The following RTN4 variants were observed in gnomAD, a reference collection of about 807,000 sequenced individuals.
RTN4 encodes reticulon 4.
In RTN4, 32 loss-of-function variants were observed where a neutral mutation model predicts 90.4. That is an observed-to-expected ratio of 0.35 (90% CI 0.27 to 0.48). The LOEUF is 0.48. Among genes scored for constraint, RTN4 ranks in the 20% least tolerant of loss-of-function variants. The pLI is 0.99. For synonymous variants in RTN4, 629 were observed against 552.5 expected, an observed-to-expected ratio of 1.14 and a Z score of -1.94; for missense variants, 1,706 against 1,430.2, an observed-to-expected ratio of 1.19 and a Z score of -3.11.
intron 2 of RTN4, among the ~76,000 whole-genome samples, chr2:55,058,357 G>A (rs904758410): frequency 6.6e-6 from 1 of 152,180 alleles, no homozygotes; most frequent in Non-Finnish European, 1.5e-5. Context: ...GAGGGAATCA[G>A]GGGTTTCTCT....
chr2:55,030,800 A>C (rs1682250684), intron 1 of RTN4, among the ~76,000 whole-genome samples: 1 of 152,212 alleles, frequency 6.6e-6, no homozygotes, highest in African/African-American at 2.4e-5. Context: ...TACAAGTGCA[A>C]CTGGTGCAAT....
intron 1 of RTN4, among the ~76,000 whole-genome samples, chr2:55,092,110 A>G (rs533274198): frequency 6.6e-6 from 1 of 151,740 alleles, no homozygotes; most frequent in East Asian, 1.9e-4. Context: ...AGATTGCTTG[A>G]GTCCAGGAGT....
intron 4 of RTN4, among the ~76,000 whole-genome samples, chr2:54,986,463 CTATT>C (rs1382291971): frequency 6.6e-6 from 1 of 152,214 alleles, no homozygotes; most frequent in Non-Finnish European, 1.5e-5. Context: ...TTCCAACAAA[CTATT>C]TACAAAAGCA....
At chr2:55,037,910 A>G (rs899849744) in intron 1 of RTN4, among the ~76,000 whole-genome samples, 1 of 152,210 alleles carries the variant, frequency 6.6e-6, no homozygotes, top group Non-Finnish European at 1.5e-5. Context: ...TAAAACTACA[A>G]TAATCAAGTA....
intron 1 of RTN4, among the ~76,000 whole-genome samples, chr2:55,094,133 G>C (rs1199579461): frequency 4.6e-5 from 7 of 152,218 alleles, no homozygotes; most frequent in Non-Finnish European, 8.8e-5. Flanking sequence ...GAGCCTTTGG[G>C]GGGTAATTAG....
At chr2:54,981,506 G>C (rs1236100257) in intron 5 of RTN4, among the ~76,000 whole-genome samples, 1 of 152,146 alleles carries the variant, frequency 6.6e-6, no homozygotes, top group African/African-American at 2.4e-5. Context: ...AAGTCTGCCT[G>C]TTTTCTGCAG....
chr2:55,091,237 T>C (rs1304501774), intron 1 of RTN4, among the ~76,000 whole-genome samples: 9 of 152,204 alleles, frequency 5.9e-5, no homozygotes, highest in Admixed American at 3.3e-4. Context: ...TTCCTCTCTG[T>C]GGCCTAGGGG....
In RTN4 at chr2:54,977,270, C is replaced by T. The variant is rs192076584; in HGVS notation, c.3361-2506G>A. Among the ~76,000 whole-genome samples the T allele has an allele frequency of 2.0e-4, 30 of 152,276 alleles. No individual in the cohort carries two copies. The South Asian group carries it at 4.3e-3, about 22-fold the overall frequency. ...TTGGACTCTCTCTATATCCCCAGCCCACTTCCTTCTAATTTTTCTGAGAGC... is the reference window on the plus strand; with the variant it reads ...TTGGACTCTCTCTATATCCCCAGCCTACTTCCTTCTAATTTTTCTGAGAGC... On this transcript the variant is annotated intron_variant, in intron 5 of 8. Transcript: ENST00000337526.
the RTN4 span, among the ~76,000 whole-genome samples, chr2:55,125,091 A>G: frequency 6.6e-6 from 1 of 152,248 alleles, no homozygotes; most frequent in Admixed American, 6.5e-5. Context: ...GCACAAAACA[A>G]AAGAAAAAAA....
At chr2:55,088,122 T>C (rs185656681) in intron 1 of RTN4, among the ~76,000 whole-genome samples, 1 of 152,326 alleles carries the variant, frequency 6.6e-6, no homozygotes, top group East Asian at 1.9e-4. Context: ...AGCACAGTTA[T>C]CTCAAGTACT....
chr2:55,054,071 A>G (rs900228594), upstream of RTN4, among the ~76,000 whole-genome samples: 7 of 152,224 alleles, frequency 4.6e-5, no homozygotes, highest in African/African-American at 1.7e-4. Context: ...AATACATGCA[A>G]AAAAATTACA....
In RTN4 at chr2:54,976,907, A is replaced by G. The variant is rs80159482; in HGVS notation, c.3361-2143T>C. Among the ~76,000 whole-genome samples, 1,134 of 152,366 alleles carry G rather than the reference A, an allele frequency of 7.4e-3. 14 individuals are homozygous for G. The highest frequency in any genetic ancestry group is 0.026 in the African/African-American group (1,091 of 41,584). ...GTCAAAGCTTATCTCTCCATTGCACAGTATCGAGACTGGAGGAAGGAGGCC... is the reference window on the plus strand; with the variant it reads ...GTCAAAGCTTATCTCTCCATTGCACGGTATCGAGACTGGAGGAAGGAGGCC... On this transcript the variant is annotated intron_variant, in intron 5 of 8. Coordinates refer to ENST00000337526, the MANE Select transcript of RTN4 (RefSeq NM_020532.5).
chr2:55,105,217 TG>T (rs145329129), intron 1 of RTN4, among the ~76,000 whole-genome samples: 55,366 of 144,658 alleles, frequency 0.38, 11,379 homozygotes, highest in African/African-American at 0.43. Context: ...CCCCTTTTTT[TG>T]CTATTGAAGT....
At chr2:55,010,292 T>C (rs1004855924) in intron 3 of RTN4, 3 of 1,461,752 alleles carry the variant, frequency 2.1e-6, no homozygotes. Context: ...TGACGTCTTC[T>C]GGGTGTGGAA....
chr2:55,016,950 A>G (rs1318290566), intron 3 of RTN4, among the ~76,000 whole-genome samples: 2 of 152,228 alleles, frequency 1.3e-5, no homozygotes, highest in Non-Finnish European at 2.9e-5. Flanking sequence ...TATATTTAGC[A>G]GGTATCTCTT....
At chr2:55,084,104 T>TTGAGTTAATTGTTGATCATGTCTACA (rs2105034374) in intron 1 of RTN4, among the ~76,000 whole-genome samples, 1 of 152,172 alleles carries the variant, frequency 6.6e-6, no homozygotes, top group East Asian at 1.9e-4. Flanking sequence ...GGGACTGCAT[T>TTGAGTTAATTGTTGATCATGTCTACA]TGAGTTAATT....
At chr2:54,975,466 C>T (rs1043165725) in intron 5 of RTN4, among the ~76,000 whole-genome samples, 3 of 152,140 alleles carry the variant, frequency 2.0e-5, no homozygotes, top group African/African-American at 7.2e-5. Context: ...TAGTAGAGCA[C>T]CCCCATTATC....
chr2:55,035,952 G>T (rs1319308329), intron 1 of RTN4, among the ~76,000 whole-genome samples: 2 of 152,042 alleles, frequency 1.3e-5, no homozygotes, highest in Non-Finnish European at 2.9e-5. Flanking sequence ...GACACAAGCA[G>T]AAATCAAAAA....
At chr2:55,088,910 C>A in intron 1 of RTN4, among the ~76,000 whole-genome samples, 1 of 152,074 alleles carries the variant, frequency 6.6e-6, no homozygotes, top group East Asian at 1.9e-4. Flanking sequence ...AGACTGACAG[C>A]ACAAGAATAG....
Sources: gnomAD v4.1 joint callset for allele counts (sites outside exome capture counted in the v4.1 genomes callset) on GRCh38, gnomAD v4.1.1 for gene constraint, MANE v1.5 for transcripts, NCBI Gene and HGNC (gene_info 2026-07-23, HGNC 2026-07-21) for gene names.